The following LRRC4C variants were observed in gnomAD, a reference collection of about 807,000 sequenced individuals.
LRRC4C encodes leucine-rich repeat-containing protein 4C.
In LRRC4C, 5 loss-of-function variants were observed where a neutral mutation model predicts 33.6. The ratio of observed to expected loss-of-function variants is 0.15; its 90% CI spans 0.08 to 0.31. LRRC4C has a LOEUF of 0.31. Among genes scored for constraint, LRRC4C ranks in the 10% least tolerant of loss-of-function variants. The pLI is 1.00. For missense variants in LRRC4C, 560 were observed against 796.7 expected, an observed-to-expected ratio of 0.70 and a Z score of 3.58; for synonymous variants, 329 against 302.0, an observed-to-expected ratio of 1.09 and a Z score of -0.93.
At chr11:40,968,942 C>T (rs760668866) in intron 1 of LRRC4C, among the ~76,000 whole-genome samples, 1 of 152,056 alleles carries the variant, frequency 6.6e-6, no homozygotes, top group African/African-American at 2.4e-5. Context: ...ATTTAAGAAA[C>T]ACATTGTATA....
chr11:40,615,236 T>TA (rs1247786050), intron 3 of LRRC4C, among the ~76,000 whole-genome samples: 3 of 44,270 alleles, frequency 6.8e-5, no homozygotes, highest in African/African-American at 3.3e-4. Flanking sequence ...CATTGATTTA[T>TA]TTTATATATA....
chr11:40,708,769 C>T (rs1039369031), intron 2 of LRRC4C, among the ~76,000 whole-genome samples: 1 of 152,012 alleles, frequency 6.6e-6, no homozygotes, highest in Non-Finnish European at 1.5e-5. Context: ...TCCTTTTCAA[C>T]CTTCTGTCTT....
chr11:40,288,157 T>G (rs1005046453), intron 4 of LRRC4C, among the ~76,000 whole-genome samples: 13 of 152,204 alleles, frequency 8.5e-5, no homozygotes, highest in African/African-American at 2.9e-4. Flanking sequence ...GGTTAAATGA[T>G]GCATGTAACA....
intron 2 of LRRC4C, among the ~76,000 whole-genome samples, chr11:40,733,131 C>A (rs1362851832): frequency 8.7e-6 from 1 of 114,910 alleles, no homozygotes; most frequent in Non-Finnish European, 1.6e-5. Context: ...GCTGGAGTAG[C>A]GTGGCGAGAT....
At chr11:40,743,104 A>T (rs760891134) in intron 2 of LRRC4C, among the ~76,000 whole-genome samples, 1 of 152,178 alleles carries the variant, frequency 6.6e-6, no homozygotes, top group Admixed American at 6.6e-5. Flanking sequence ...TATTGTACGA[A>T]TGTCATTTTT....
At chr11:40,495,063 T>C (rs1308178557) in intron 3 of LRRC4C, among the ~76,000 whole-genome samples, 1 of 152,202 alleles carries the variant, frequency 6.6e-6, no homozygotes, top group African/African-American at 2.4e-5. Context: ...TGGCATATTA[T>C]TATCGATAAG....
rs575737399 is a variant in LRRC4C, at chr11:40,905,701, G to T, written c.-407+27934C>A. On this transcript the variant is annotated intron_variant, in intron 2 of 6. Coordinates refer to ENST00000528697, the MANE Select transcript of LRRC4C (RefSeq NM_001258419.2). ...GGCAGATTGCTCCTGTTTCCCAGGT[G>T]GGGGCAGTGGCCTGAGCAGGGCCTT... Among the ~76,000 whole-genome samples, 4 of 152,200 alleles carry T rather than the reference G, an allele frequency of 2.6e-5. No individual in the cohort carries two copies. In the South Asian group the frequency reaches 6.2e-4, roughly 24 times the overall value.
intron 1 of LRRC4C, among the ~76,000 whole-genome samples, chr11:41,337,213 T>TA (rs1267553792): frequency 6.6e-6 from 1 of 151,756 alleles, no homozygotes; most frequent in Non-Finnish European, 1.5e-5. Context: ...CCCAGCGAAC[T>TA]AAAAACAAAA....
chr11:40,494,818 G>A (rs896091022), intron 3 of LRRC4C, among the ~76,000 whole-genome samples: 1 of 152,318 alleles, frequency 6.6e-6, no homozygotes, highest in African/African-American at 2.4e-5. Flanking sequence ...GTCCAGCAAA[G>A]TATTGTATGA....
chr11:41,339,976 A>G (rs1393454343), intron 1 of LRRC4C, among the ~76,000 whole-genome samples: 1 of 152,220 alleles, frequency 6.6e-6, no homozygotes, highest in Non-Finnish European at 1.5e-5. Flanking sequence ...AAGACTAAAT[A>G]TATGTGAAGG....
intron 1 of LRRC4C, among the ~76,000 whole-genome samples, chr11:40,942,201 A>G (rs141357395): frequency 5.9e-5 from 9 of 152,250 alleles, no homozygotes; most frequent in African/African-American, 2.2e-4. Context: ...ATGTTTTATA[A>G]GAATGGGAGT....
At chr11:40,246,938 A>T (rs1030361398) in intron 4 of LRRC4C, among the ~76,000 whole-genome samples, 1 of 152,178 alleles carries the variant, frequency 6.6e-6, no homozygotes, top group Non-Finnish European at 1.5e-5. Flanking sequence ...AAACACACCA[A>T]CAAAGAGAAA....
chr11:41,197,241 A>C (rs1946217245), intron 1 of LRRC4C, among the ~76,000 whole-genome samples: 1 of 152,042 alleles, frequency 6.6e-6, no homozygotes, highest in African/African-American at 2.4e-5. Flanking sequence ...AAAATAAGAC[A>C]CACTATTTTA....
intron 2 of LRRC4C, among the ~76,000 whole-genome samples, chr11:40,731,175 C>G (rs539659785): frequency 3.3e-5 from 5 of 151,640 alleles, no homozygotes; most frequent in African/African-American, 1.2e-4. Context: ...AAAAATTAGC[C>G]GGGCGTGGTG....
intron 4 of LRRC4C, among the ~76,000 whole-genome samples, chr11:40,290,942 A>G (rs1322919913): frequency 6.6e-6 from 1 of 152,094 alleles, no homozygotes; most frequent in African/African-American, 2.4e-5. Flanking sequence ...TAGCCAGGCT[A>G]TGTATACCTG....
At chr11:40,297,592 C>CT (rs1345918900) in intron 4 of LRRC4C, among the ~76,000 whole-genome samples, 7 of 151,696 alleles carry the variant, frequency 4.6e-5, no homozygotes, top group South Asian at 2.1e-4. Flanking sequence ...CAAATTTCTG[C>CT]TTTTTTTTCA....
chr11:41,068,986 A>G (rs1437393450), intron 1 of LRRC4C, among the ~76,000 whole-genome samples: 1 of 152,188 alleles, frequency 6.6e-6, no homozygotes. Context: ...ACTCAGGCCA[A>G]TATTCCTGAT....
chr11:41,194,967 C>G (rs1196997573), intron 1 of LRRC4C, among the ~76,000 whole-genome samples: 1 of 151,836 alleles, frequency 6.6e-6, no homozygotes, highest in African/African-American at 2.4e-5. Flanking sequence ...CCTCTGAAGA[C>G]AGGATTTCTA....
intron 2 of LRRC4C, among the ~76,000 whole-genome samples, chr11:40,720,368 G>A (rs1300694582): frequency 6.6e-6 from 1 of 152,118 alleles, no homozygotes; most frequent in Non-Finnish European, 1.5e-5. Context: ...AACCATCAAG[G>A]AGATCAAAGA....
Sources: allele counts gnomAD v4.1 joint callset (sites outside exome capture counted in the v4.1 genomes callset), GRCh38; gene constraint gnomAD v4.1.1; transcripts MANE v1.5; gene names NCBI Gene and HGNC (gene_info 2026-07-23, HGNC 2026-07-21).